Variants in SNTG1 observed in about 807,000 individuals in gnomAD.
The protein encoded by SNTG1 is syntrophin gamma 1.
In SNTG1, 39 loss-of-function variants were observed where a neutral mutation model predicts 74.7. That is an observed-to-expected ratio of 0.52 (90% CI 0.40 to 0.68). The LOEUF is 0.68. Ranked by LOEUF, SNTG1 falls within the 30% of genes least tolerant of loss-of-function variation. SNTG1 has a pLI of 0.00. For synonymous variants in SNTG1, 254 were observed against 217.1 expected, an observed-to-expected ratio of 1.17 and a Z score of -1.49; for missense variants, 685 against 609.5, an observed-to-expected ratio of 1.12 and a Z score of -1.30.
chr8:50,438,225 C>T (rs139739597), intron 4 of SNTG1, among the ~76,000 whole-genome samples: 312 of 151,908 alleles, frequency 2.1e-3, no homozygotes, highest in Non-Finnish European at 3.2e-3. Flanking sequence ...AATAAGAATA[C>T]GTAATGTGGA....
At chr8:50,245,552 G>A (rs187598372) in intron 2 of SNTG1, among the ~76,000 whole-genome samples, 11 of 152,090 alleles carry the variant, frequency 7.2e-5, no homozygotes, top group Admixed American at 6.6e-4. Context: ...GCATGGTGGT[G>A]CATGCCTGTA....
rs539465883 is a variant in SNTG1, at chr8:50,670,719, G to T, written c.1038+12056G>T. ...TTAAAGTTCATATGGAACCAAAAAA[G>T]AGCCCGCATCACCAAGTCAATCCTA... is the stretch of plus-strand genomic sequence containing the variant. On this transcript the variant is annotated intron_variant, in intron 15 of 18. Transcript: ENST00000642720. 7.4e-4 allele frequency among the ~76,000 whole-genome samples: 108 copies of T among 146,532 alleles called. 1 individual carries two copies. Among genetic ancestry groups the T allele is most frequent in the Non-Finnish European group, 1.2e-3 (78 of 66,786 alleles).
intron 10 of SNTG1, among the ~76,000 whole-genome samples, chr8:50,536,461 A>G (rs2094307903): frequency 1.3e-5 from 2 of 152,132 alleles, no homozygotes; most frequent in South Asian, 4.1e-4. Flanking sequence ...CTTAGTCTCA[A>G]TGATTCCTTT....
At chr8:50,787,626 G>T (rs1013262529) in intron 18 of SNTG1, among the ~76,000 whole-genome samples, 3 of 151,964 alleles carry the variant, frequency 2.0e-5, no homozygotes, top group Non-Finnish European at 2.9e-5. Flanking sequence ...TGATGAATGG[G>T]GAGGAAGAGA....
At chr8:49,950,927 C>A (rs1809640645) in intron 1 of SNTG1, among the ~76,000 whole-genome samples, 1 of 152,168 alleles carries the variant, frequency 6.6e-6, no homozygotes, top group South Asian at 2.1e-4. Context: ...TCTTTACTTG[C>A]AAAGAGCTCA....
chr8:49,942,656 G>A (rs926842028), intron 1 of SNTG1, among the ~76,000 whole-genome samples: 1 of 152,060 alleles, frequency 6.6e-6, no homozygotes, highest in Non-Finnish European at 1.5e-5. Context: ...TGAGAGTTTT[G>A]AGGCATAATT....
chr8:49,954,069 A>G (rs1809955777), intron 1 of SNTG1, among the ~76,000 whole-genome samples: 1 of 152,190 alleles, frequency 6.6e-6, no homozygotes, highest in South Asian at 2.1e-4. Context: ...ATTGTAGAAG[A>G]CAAGATTAGC....
chr8:50,245,889 A>G (rs2086377324), intron 2 of SNTG1, among the ~76,000 whole-genome samples: 2 of 151,932 alleles, frequency 1.3e-5, no homozygotes, highest in Non-Finnish European at 2.9e-5. Flanking sequence ...AACTTTGCAA[A>G]CTATGAAAAC....
chr8:50,281,780 A>T (rs970258116), intron 2 of SNTG1, among the ~76,000 whole-genome samples: 1 of 152,238 alleles, frequency 6.6e-6, no homozygotes, highest in African/African-American at 2.4e-5. Context: ...AATTAAAAGT[A>T]GTCTCACTAA....
At chr8:50,742,842 G>C (rs2095546576) in intron 17 of SNTG1, among the ~76,000 whole-genome samples, 1 of 151,674 alleles carries the variant, frequency 6.6e-6, no homozygotes, top group African/African-American at 2.4e-5. Context: ...AAAGAGAAGA[G>C]ACATTTTGAT....
chr8:49,966,298 G>A (rs1002290332), intron 1 of SNTG1, among the ~76,000 whole-genome samples: 8 of 151,904 alleles, frequency 5.3e-5, no homozygotes, highest in Admixed American at 2.0e-4. Flanking sequence ...TGATTTGTAC[G>A]GGAAATACAG....
In SNTG1 at chr8:50,236,449, AAT is replaced by A. The variant is rs1563779315; in HGVS notation, c.-28+63815_-28+63816del. ...TGTTTACAGAAACTTTTTAATTGTA[AAT>A]TTTTTTTTTTTTTTTTTGAGACGCA... is the stretch of plus-strand genomic sequence containing the variant. On this transcript the variant is annotated intron_variant, in intron 2 of 18. Transcript: ENST00000642720. Among the ~76,000 whole-genome samples, 5 of 96,478 alleles carry A rather than the reference AAT, an allele frequency of 5.2e-5. 1 individual carries two copies. Among genetic ancestry groups the A allele is most frequent in the Non-Finnish European group, 1.2e-4 (5 of 41,782 alleles). The allele number at this position is 96,478 out of a possible 152,430, so 63.3% of individuals were successfully genotyped here.
At chr8:50,163,481 C>CTTTTTTT (rs563894365) in intron 1 of SNTG1, 1 of 125,662 alleles carries the variant, frequency 8.0e-6, no homozygotes, top group Non-Finnish European at 1.7e-5. Context: ...CTTCTTTTTT[C>CTTTTTTT]TTTTTTTTTT....
rs1279155213 is a variant in SNTG1 at position 50,664,596 on chromosome 8, C to A, written c.1038+5933C>A. Among the ~76,000 whole-genome samples the A allele has an allele frequency of 2.6e-5, 4 of 152,122 alleles. No individual in the cohort carries two copies. The East Asian group carries it at 7.7e-4, about 29-fold the overall frequency. On this transcript the variant is annotated intron_variant, in intron 15 of 18. Coordinates refer to ENST00000642720, the MANE Select transcript of SNTG1 (RefSeq NM_018967.5). ...GGAAAAAGAAGTAGACCCCCTGCAT[C>A]TTGCCCTCATCTCTCTGGGCACCAT...
chr8:50,195,725 G>T (rs533119936), intron 2 of SNTG1, among the ~76,000 whole-genome samples: 1 of 152,150 alleles, frequency 6.6e-6, no homozygotes, highest in Non-Finnish European at 1.5e-5. Context: ...TCCACTGGGG[G>T]TGTGTGTTCT....
intron 9 of SNTG1, among the ~76,000 whole-genome samples, chr8:50,511,192 G>T (rs1467622663): frequency 6.6e-6 from 1 of 152,190 alleles, no homozygotes; most frequent in Non-Finnish European, 1.5e-5. Context: ...TCATTCAGGA[G>T]CAGGTTGTTC....
chr8:49,990,032 C>A (rs986097876), intron 1 of SNTG1, among the ~76,000 whole-genome samples: 2 of 151,730 alleles, frequency 1.3e-5, no homozygotes, highest in African/African-American at 4.8e-5. Flanking sequence ...CCTGTAAGAT[C>A]AAGAACAAAA....
chr8:49,921,528 C>A (rs891541985), intron 1 of SNTG1, among the ~76,000 whole-genome samples: 1 of 152,084 alleles, frequency 6.6e-6, no homozygotes, highest in East Asian at 1.9e-4. Context: ...GATTTTGTGA[C>A]AAGGAAAAAG....
At chr8:50,556,838 G>A (rs2094458293) in intron 12 of SNTG1, among the ~76,000 whole-genome samples, 1 of 152,262 alleles carries the variant, frequency 6.6e-6, no homozygotes, top group South Asian at 2.1e-4. Context: ...TCTCTTACAA[G>A]ACTTCAGATG....
Sources: allele counts gnomAD v4.1 joint callset (sites outside exome capture counted in the v4.1 genomes callset), GRCh38; gene constraint gnomAD v4.1.1; transcripts MANE v1.5; gene names NCBI Gene and HGNC (gene_info 2026-07-23, HGNC 2026-07-21).